Variants in SLC36A1 observed in about 807,000 individuals in gnomAD.
The protein encoded by SLC36A1 is solute carrier family 36 member 1, also known as proton-coupled amino acid transporter 1.
Under a neutral mutation model 47.5 loss-of-function variants are expected in SLC36A1, and 30 were observed. The ratio of observed to expected loss-of-function variants is 0.63; its 90% CI spans 0.47 to 0.86. The LOEUF (loss-of-function observed/expected upper bound fraction) is 0.86, where lower values mean the gene tolerates loss of function less well. Ranked by LOEUF, SLC36A1 falls within the 40% of genes least tolerant of loss-of-function variation. The pLI is 0.00. For synonymous variants in SLC36A1, 255 were observed against 249.7 expected (o/e 1.02, Z -0.20); for missense variants, 517 against 606.0 (o/e 0.85, Z 1.54).
the SLC36A1 span, chr5:151,387,295 C>T: frequency 6.6e-6 from 1 of 152,266 alleles, no homozygotes; most frequent in Admixed American, 6.5e-5. Context: ...TCTGGAGGAC[C>T]CATGGGGGTT....
chr5:151,400,985 CT>C, the SLC36A1 span, among the ~76,000 whole-genome samples: 2 of 152,002 alleles, frequency 1.3e-5, no homozygotes, highest in East Asian at 3.8e-4. Flanking sequence ...TTTGTTTATC[CT>C]GTTGATAGTT....
At chr5:151,421,879 C>T in the SLC36A1 span, among the ~76,000 whole-genome samples, 316 of 152,292 alleles carry the variant, frequency 2.1e-3, 1 homozygote, top group African/African-American at 6.5e-3. Flanking sequence ...TGTGAGCCAC[C>T]GCGCCCGGCT....
chr5:151,551,430 C>T, the SLC36A1 span: 1 of 1,604,838 alleles, frequency 6.2e-7, no homozygotes, highest in African/African-American at 1.3e-5. Context: ...CCTTCCATCT[C>T]CTCTCAATAC....
chr5:151,500,388 G>C, the SLC36A1 span, among the ~76,000 whole-genome samples: 4 of 145,808 alleles, frequency 2.7e-5, no homozygotes, highest in African/African-American at 1.0e-4. Context: ...GTTGTTTTGA[G>C]ACGGAATCTC....
At chr5:151,508,861 C>A in the SLC36A1 span, among the ~76,000 whole-genome samples, 1 of 152,116 alleles carries the variant, frequency 6.6e-6, no homozygotes, top group African/African-American at 2.4e-5. Context: ...CAAAGGGATC[C>A]ACTGAGAGCT....
chr5:151,439,502 A>G (rs576684280), intron 1 of SLC36A1, among the ~76,000 whole-genome samples: 1 of 151,834 alleles, frequency 6.6e-6, no homozygotes, highest in South Asian at 2.1e-4. Flanking sequence ...AAAATACAAA[A>G]ATTTGCCAGG....
chr5:151,458,643 A>T (rs1755047755), intron 1 of SLC36A1, 145 bp from the exon 2 acceptor site: 1 of 859,972 alleles, frequency 1.2e-6, no homozygotes, highest in African/African-American at 1.7e-5. Context: ...TTCCCTTGGT[A>T]CCAGGCACTT....
At chr5:151,509,968 A>G in the SLC36A1 span, 4 of 1,593,918 alleles carry the variant, frequency 2.5e-6, no homozygotes, top group East Asian at 2.2e-5. Flanking sequence ...GTCAGAGTAC[A>G]GAGCGCATTC....
the SLC36A1 span, among the ~76,000 whole-genome samples, chr5:151,516,992 C>G: frequency 1.3e-5 from 2 of 151,850 alleles, no homozygotes; most frequent in Non-Finnish European, 1.5e-5. Context: ...CCTGTAATCC[C>G]AACTACTCGG....
intron 10 of SLC36A1, 91 bp downstream of exon 10, chr5:151,479,580 G>T: frequency 6.8e-7 from 1 of 1,467,648 alleles, no homozygotes. Flanking sequence ...GTGTGTTGTA[G>T]TGAAGCTGGC....
chr5:151,402,463 G>A, the SLC36A1 span, among the ~76,000 whole-genome samples: 1 of 151,986 alleles, frequency 6.6e-6, no homozygotes, highest in Non-Finnish European at 1.5e-5. Context: ...TTTTTTCATT[G>A]TGTCTTTGCC....
At chr5:151,549,548 T>C in the SLC36A1 span, 3 of 1,573,358 alleles carry the variant, frequency 1.9e-6, no homozygotes, top group Non-Finnish European at 2.6e-6. Flanking sequence ...GCAAATGGAA[T>C]AGGAGGAGGC....
At chr5:151,536,667 C>CA in the SLC36A1 span, among the ~76,000 whole-genome samples, 2 of 152,220 alleles carry the variant, frequency 1.3e-5, no homozygotes, top group Admixed American at 1.3e-4. Flanking sequence ...TGGCTAGTAA[C>CA]AATGATAATG....
the SLC36A1 span, among the ~76,000 whole-genome samples, chr5:151,379,090 T>C: frequency 6.6e-6 from 1 of 152,178 alleles, no homozygotes; most frequent in African/African-American, 2.4e-5. Context: ...TCAGGAAAGC[T>C]GAGAATGGGG....
the SLC36A1 span, among the ~76,000 whole-genome samples, chr5:151,424,647 C>T: frequency 6.6e-6 from 1 of 152,174 alleles, no homozygotes; most frequent in Non-Finnish European, 1.5e-5. Context: ...GTATGATCCT[C>T]TGGCCTAGGG....
chr5:151,422,477 A>C, the SLC36A1 span, among the ~76,000 whole-genome samples: 2 of 152,202 alleles, frequency 1.3e-5, no homozygotes, highest in Admixed American at 1.3e-4. Flanking sequence ...GCACTTTGGG[A>C]AGTGGAGGCA....
chr5:151,394,379 A>C, the SLC36A1 span, among the ~76,000 whole-genome samples: 1 of 152,110 alleles, frequency 6.6e-6, no homozygotes, highest in South Asian at 2.1e-4. Context: ...AAGTTTGATC[A>C]TCTGAAGCCT....
intron 2 of SLC36A1, among the ~76,000 whole-genome samples, chr5:151,462,374 CT>C (rs34114557): frequency 1.4e-5 from 2 of 140,826 alleles, no homozygotes; most frequent in Non-Finnish European, 3.1e-5. Context: ...TTTTTTTTTT[CT>C]TTTTTTTTTG....
chr5:151,399,696 G>T, the SLC36A1 span, among the ~76,000 whole-genome samples: 5 of 152,142 alleles, frequency 3.3e-5, no homozygotes, highest in Non-Finnish European at 5.9e-5. Context: ...GGCAGGGATT[G>T]TCATACAGAG....
Sources: gnomAD v4.1 joint callset for allele counts (sites outside exome capture counted in the v4.1 genomes callset) on GRCh38, gnomAD v4.1.1 for gene constraint, MANE v1.5 for transcripts, NCBI Gene and HGNC (gene_info 2026-07-23, HGNC 2026-07-21) for gene names.